Variants in USP34 observed in about 807,000 individuals in gnomAD.
The protein encoded by USP34 is ubiquitin specific peptidase 34, also known as ubiquitin carboxyl-terminal hydrolase 34.
A neutral mutation model predicts 460.3 loss-of-function variants in USP34; 70 were observed. The ratio of observed to expected loss-of-function variants is 0.15; its 90% CI spans 0.13 to 0.19. The LOEUF (loss-of-function observed/expected upper bound fraction) is 0.19. USP34 is among the 10% of genes least tolerant of loss of function. The probability of loss-of-function intolerance (pLI) is 1.00; values close to 1 mark genes in which losing one functional copy is unlikely to be tolerated. For missense variants in USP34, 3,985 were observed against 4,236.2 expected, an observed-to-expected ratio of 0.94 and a Z score of 1.65; for synonymous variants, 1,647 against 1,405.3, an observed-to-expected ratio of 1.17 and a Z score of -3.85.
intron 3 of USP34, among the ~76,000 whole-genome samples, chr2:61,397,972 C>T (rs932023086): frequency 1.3e-5 from 2 of 151,774 alleles, no homozygotes; most frequent in African/African-American, 4.8e-5. Context: ...CAGACTAAGG[C>T]ACAAGAATCA....
At chr2:61,319,039 G>A in intron 22 of USP34, 134 bp downstream of exon 22, 1 of 799,580 alleles carries the variant, frequency 1.3e-6, no homozygotes, top group African/African-American at 1.8e-5. Context: ...AATTATATTA[G>A]GACTGCTAAA....
In USP34 at chr2:61,380,352, G is replaced by A. The variant is rs2103862447; in HGVS notation, c.831C>T (p.Cys277=). ...GTCGTAACTCCTGATCCGAGAGCTTGCATAAATACCTGAAATGATTCAGAA... is the reference window on the plus strand; with the variant it reads ...GTCGTAACTCCTGATCCGAGAGCTTACATAAATACCTGAAATGATTCAGAA... ...PFRTYVIRYL[C]KLSDQELRQS... Residue 277 remains cysteine (C), a synonymous_variant, in exon 7 of 80, where the codon TGC becomes TGT. Coordinates refer to ENST00000398571, the MANE Select transcript of USP34 (RefSeq NM_014709.4). The A allele has an allele frequency of 6.2e-7, 1 of 1,604,196 alleles. No individual in the cohort carries two copies.
chr2:61,212,382 A>C (rs551189820), intron 68 of USP34, among the ~76,000 whole-genome samples: 1 of 152,298 alleles, frequency 6.6e-6, no homozygotes, highest in African/African-American at 2.4e-5. Context: ...ATGCCACACC[A>C]TCTCCTATCC....
intron 2 of USP34, among the ~76,000 whole-genome samples, chr2:61,416,578 T>A (rs1381804558): frequency 6.6e-6 from 1 of 151,968 alleles, no homozygotes; most frequent in Non-Finnish European, 1.5e-5. Flanking sequence ...AGAAAAAAAA[T>A]CAACACTTAA....
intron 62 of USP34, chr2:61,226,777 T>C (rs183872766): frequency 3.9e-6 from 1 of 255,562 alleles, no homozygotes; most frequent in South Asian, 1.1e-4. Flanking sequence ...AAAGAACGAA[T>C]GCACGCTCTA....
At chr2:61,431,363 C>G (rs544818722) in intron 1 of USP34, among the ~76,000 whole-genome samples, 73 of 152,272 alleles carry the variant, frequency 4.8e-4, no homozygotes, top group South Asian at 3.5e-3. Flanking sequence ...GCTGAGACTA[C>G]AGGTGCATTT....
At chr2:61,439,610 C>A (rs1694909368) in intron 1 of USP34, among the ~76,000 whole-genome samples, 1 of 152,172 alleles carries the variant, frequency 6.6e-6, no homozygotes. Flanking sequence ...GTTAGGATAT[C>A]TGACGGGGAC....
chr2:61,364,122 T>A (rs1692356929), intron 10 of USP34, among the ~76,000 whole-genome samples: 1 of 152,074 alleles, frequency 6.6e-6, no homozygotes, highest in African/African-American at 2.4e-5. Context: ...ACACCTAAAA[T>A]CCCCGCACTT....
intron 1 of USP34, among the ~76,000 whole-genome samples, chr2:61,462,872 A>C (rs1250015971): frequency 6.6e-6 from 1 of 151,766 alleles, no homozygotes; most frequent in Non-Finnish European, 1.5e-5. Flanking sequence ...AAAAAAAAAA[A>C]AAAAAAGGCA....
chr2:61,345,027 C>G (rs1691722011), intron 15 of USP34, among the ~76,000 whole-genome samples: 1 of 152,154 alleles, frequency 6.6e-6, no homozygotes, highest in Non-Finnish European at 1.5e-5. Flanking sequence ...AATCCCAGCA[C>G]TTTGGGAGGC....
chr2:61,246,846 A>G (rs889338678), intron 49 of USP34, among the ~76,000 whole-genome samples: 5 of 152,138 alleles, frequency 3.3e-5, no homozygotes, highest in Admixed American at 6.5e-5. Flanking sequence ...AATCTGACTA[A>G]TCTTTTGAAA....
intron 27 of USP34, among the ~76,000 whole-genome samples, chr2:61,306,710 A>G (rs1271669281): frequency 6.6e-6 from 1 of 152,200 alleles, no homozygotes; most frequent in Non-Finnish European, 1.5e-5. Flanking sequence ...AGACACATGA[A>G]AAAATGCTCA....
Position 61,343,923 on chromosome 2 carries a change from C to G in USP34, c.2392G>C (p.Gly798Arg). 1.2e-6 allele frequency: 2 copies of G among 1,613,972 alleles called. No homozygotes were observed. Among genetic ancestry groups the G allele is most frequent in the Non-Finnish European group, 1.7e-6 (2 of 1,179,916 alleles). Reference protein sequence around the residue: ...NMADFDGEESGCEEELVQINS... With the variant: ...NMADFDGEESRCEEELVQINS... ...ATCTGAACTAGCTCCTCTTCACATCCAGATTCTTCACCATCAAAATCAGCC... is the reference window on the plus strand; with the variant it reads ...ATCTGAACTAGCTCCTCTTCACATCGAGATTCTTCACCATCAAAATCAGCC... The change falls in exon 16 of 80, where the codon GGA (glycine) becomes CGA (arginine). Residue 798 changes from glycine to arginine, a missense_variant. Transcript: ENST00000398571.
intron 21 of USP34, among the ~76,000 whole-genome samples, chr2:61,324,726 G>A (rs781719624): frequency 1.3e-5 from 2 of 151,966 alleles, no homozygotes; most frequent in East Asian, 1.9e-4. Flanking sequence ...AGCTGTGATC[G>A]CATCACTGAA....
At chr2:61,312,083 TAA>T (rs1006404789) in intron 25 of USP34, among the ~76,000 whole-genome samples, 173 bp from the exon 26 acceptor site, 11 of 152,102 alleles carry the variant, frequency 7.2e-5, no homozygotes, top group African/African-American at 2.7e-4. Context: ...GAATCAAACG[TAA>T]CTGCATAATA....
rs76692697 is a variant in USP34, at chr2:61,411,716, A to G, written c.132-5588T>C. ...AATAGAAAAAGCCCGTTTAGCCCCAACAAGAAAGCCTACTCACCATTTAAC... is the reference window on the plus strand; with the variant it reads ...AATAGAAAAAGCCCGTTTAGCCCCAGCAAGAAAGCCTACTCACCATTTAAC... On this transcript the variant is annotated intron_variant, in intron 2 of 79. Transcript: ENST00000398571. Among the ~76,000 whole-genome samples the G allele has an allele frequency of 2.4e-4, 36 of 152,224 alleles. No homozygotes were observed. The East Asian group carries it at 7.0e-3, about 29-fold the overall frequency.
At chr2:61,338,225 G>A (rs1277497923) in intron 18 of USP34, among the ~76,000 whole-genome samples, 1 of 152,194 alleles carries the variant, frequency 6.6e-6, no homozygotes, top group Non-Finnish European at 1.5e-5. Context: ...GGAGGCTGAG[G>A]TGGGAGAATC....
intron 57 of USP34, among the ~76,000 whole-genome samples, chr2:61,234,401 G>C (rs1229899896): frequency 6.6e-6 from 1 of 152,192 alleles, no homozygotes; most frequent in African/African-American, 2.4e-5. Flanking sequence ...ACCTTTGAGT[G>C]GGTTATCCTT....
intron 51 of USP34, among the ~76,000 whole-genome samples, chr2:61,243,676 T>C (rs193130525): frequency 4.1e-3 from 616 of 151,136 alleles, no homozygotes; most frequent in Non-Finnish European, 6.7e-3. Context: ...ATCAAGACCA[T>C]CCTAGCCAAC....
Sources: gnomAD v4.1 joint callset for allele counts (sites outside exome capture counted in the v4.1 genomes callset) on GRCh38, gnomAD v4.1.1 for gene constraint, MANE v1.5 for transcripts, NCBI Gene and HGNC (gene_info 2026-07-23, HGNC 2026-07-21) for gene names.